The following AGMO variants were observed in gnomAD, a reference collection of about 807,000 sequenced individuals.
AGMO encodes the protein alkylglycerol monooxygenase, also known as glyceryl-ether monooxygenase.
A neutral mutation model predicts 60.2 loss-of-function variants in AGMO; 75 were observed. The ratio of observed to expected loss-of-function variants is 1.25; its 90% confidence interval spans 1.03 to 1.51. The LOEUF (loss-of-function observed/expected upper bound fraction) is 1.51, where lower values mean the gene tolerates loss of function less well. AGMO is among the 40% of genes most tolerant of loss of function. The probability of loss-of-function intolerance (pLI) is 0.00; values close to 1 mark genes in which losing one functional copy is unlikely to be tolerated. For missense variants in AGMO, 763 were observed against 525.5 expected, an observed-to-expected ratio of 1.45 and a Z score of -4.42; for synonymous variants, 261 against 177.1, an observed-to-expected ratio of 1.47 and a Z score of -3.76.
chr7:15,486,665 T>C (rs961541590), intron 3 of AGMO, among the ~76,000 whole-genome samples: 6 of 152,226 alleles, frequency 3.9e-5, no homozygotes, highest in Admixed American at 1.3e-4. Flanking sequence ...ATTGTAATAA[T>C]AATTTTATTT....
intron 3 of AGMO, among the ~76,000 whole-genome samples, chr7:15,439,268 A>C (rs571243569): frequency 6.6e-6 from 1 of 152,218 alleles, no homozygotes; most frequent in South Asian, 2.1e-4. Context: ...GTGGTGGTGC[A>C]CACCTGTAGT....
chr7:15,481,742 C>A, intron 3 of AGMO, among the ~76,000 whole-genome samples: 1 of 144,920 alleles, frequency 6.9e-6, no homozygotes, highest in Non-Finnish European at 1.5e-5. Context: ...CCATACAATT[C>A]TTTTCAAGTG....
chr7:15,215,605 T>C (rs1203063718), intron 12 of AGMO, among the ~76,000 whole-genome samples: 1 of 152,142 alleles, frequency 6.6e-6, no homozygotes, highest in East Asian at 1.9e-4. Context: ...GAGATCGCTG[T>C]ATGAATCTAA....
chr7:15,200,281 G>A (rs573824577), downstream of AGMO: 1 of 152,114 alleles, frequency 6.6e-6, no homozygotes, highest in South Asian at 2.1e-4. Flanking sequence ...AACACTTGGT[G>A]GATTTTTACA....
chr7:15,212,892 G>A (rs776731621), intron 12 of AGMO, among the ~76,000 whole-genome samples: 3 of 151,948 alleles, frequency 2.0e-5, no homozygotes, highest in Non-Finnish European at 2.9e-5. Flanking sequence ...TAAGGTACAT[G>A]AAAACTTACT....
intron 3 of AGMO, among the ~76,000 whole-genome samples, chr7:15,473,742 T>C (rs954964149): frequency 6.6e-6 from 1 of 152,068 alleles, no homozygotes; most frequent in Non-Finnish European, 1.5e-5. Context: ...AAATAAATGG[T>C]ATTCAAATAG....
At chr7:15,540,969 G>A (rs1477882204) in intron 3 of AGMO, among the ~76,000 whole-genome samples, 1 of 152,126 alleles carries the variant, frequency 6.6e-6, no homozygotes, top group Non-Finnish European at 1.5e-5. Flanking sequence ...GACCCTGAAG[G>A]TCTCATTCTT....
At chr7:15,235,026 T>C (rs980695775) in intron 12 of AGMO, among the ~76,000 whole-genome samples, 4 of 152,116 alleles carry the variant, frequency 2.6e-5, no homozygotes, top group Non-Finnish European at 5.9e-5. Context: ...TCTGAGCATA[T>C]CATACCATTT....
At chr7:15,191,639 C>G in the AGMO span, among the ~76,000 whole-genome samples, 1 of 152,164 alleles carries the variant, frequency 6.6e-6, no homozygotes, top group African/African-American at 2.4e-5. Flanking sequence ...ATTCTTGAAA[C>G]TGTTCAGTGA....
In AGMO at chr7:15,303,234, T is replaced by C. The variant is rs113288453; in HGVS notation, c.1263+62280A>G. ...ATATGCTGAAAATACCAAGGAGTTT[T>C]CAGAATGGTACATTCAAATTATAAA... On this transcript the variant is annotated intron_variant, in intron 12 of 12. Transcript: ENST00000342526. 2.3e-3 allele frequency among the ~76,000 whole-genome samples: 345 copies of C among 152,278 alleles called. 1 individual carries two copies. Among genetic ancestry groups the C allele is most frequent in the African/African-American group, 7.6e-3 (316 of 41,558 alleles).
chr7:15,363,274 G>T (rs1782835185), intron 12 of AGMO, among the ~76,000 whole-genome samples: 1 of 152,054 alleles, frequency 6.6e-6, no homozygotes, highest in South Asian at 2.1e-4. Flanking sequence ...ACTTGACTTG[G>T]GGATCTCAAG....
chr7:15,239,112 T>A (rs1440684249), intron 12 of AGMO, among the ~76,000 whole-genome samples: 1 of 152,090 alleles, frequency 6.6e-6, no homozygotes, highest in Non-Finnish European at 1.5e-5. Context: ...CCCTCAATGT[T>A]ATTGAATGCC....
chr7:15,414,502 A>G (rs894614641), intron 5 of AGMO, among the ~76,000 whole-genome samples: 6 of 152,006 alleles, frequency 3.9e-5, no homozygotes, highest in Non-Finnish European at 5.9e-5. Flanking sequence ...ACACACAAAG[A>G]GAGGGAGAAA....
chr7:15,195,499 A>G (rs975141548), downstream of AGMO, among the ~76,000 whole-genome samples: 7 of 152,076 alleles, frequency 4.6e-5, no homozygotes, highest in Non-Finnish European at 1.0e-4. Flanking sequence ...ACTCCACCCT[A>G]ATCTTTTTAT....
intron 12 of AGMO, among the ~76,000 whole-genome samples, chr7:15,361,666 C>T (rs892904001): frequency 6.6e-6 from 1 of 151,454 alleles, no homozygotes; most frequent in African/African-American, 2.4e-5. Context: ...GGTAACAGCA[C>T]ATCAACATAA....
chr7:15,122,234 G>A, the AGMO span, among the ~76,000 whole-genome samples: 1 of 152,046 alleles, frequency 6.6e-6, no homozygotes, highest in Non-Finnish European at 1.5e-5. Flanking sequence ...CCATCAAAAA[G>A]TGGGCAAACG....
At chr7:15,449,518 TG>T in intron 3 of AGMO, among the ~76,000 whole-genome samples, 1 of 152,310 alleles carries the variant, frequency 6.6e-6, no homozygotes, top group Non-Finnish European at 1.5e-5. Context: ...TAATTACCAT[TG>T]TCTTACAATT....
intron 3 of AGMO, among the ~76,000 whole-genome samples, chr7:15,534,019 C>A (rs1355927932): frequency 6.6e-6 from 1 of 151,908 alleles, no homozygotes. Context: ...TACTTTAGGA[C>A]ACATACTTAT....
the AGMO span, among the ~76,000 whole-genome samples, chr7:15,145,237 T>C: frequency 6.6e-6 from 1 of 152,170 alleles, no homozygotes; most frequent in Non-Finnish European, 1.5e-5. Flanking sequence ...TGTCTTACCA[T>C]TTTCAACTTG....
Sources: gnomAD v4.1 joint callset for allele counts (sites outside exome capture counted in the v4.1 genomes callset) on GRCh38, gnomAD v4.1.1 for gene constraint, MANE v1.5 for transcripts, NCBI Gene and HGNC (gene_info 2026-07-23, HGNC 2026-07-21) for gene names.